The following SLC24A2 variants were observed in gnomAD, a reference collection of about 807,000 sequenced individuals.
The protein encoded by SLC24A2 is solute carrier family 24 member 2.
A neutral mutation model predicts 62.0 loss-of-function variants in SLC24A2; 36 were observed. That is an observed-to-expected ratio of 0.58 (90% confidence interval 0.44 to 0.77). SLC24A2 has a LOEUF of 0.77. Ranked by LOEUF, SLC24A2 falls within the 30% of genes least tolerant of loss-of-function variation. The probability of loss-of-function intolerance (pLI) is 0.00; values close to 1 mark genes in which losing one functional copy is unlikely to be tolerated. For synonymous variants in SLC24A2, 358 were observed against 294.0 expected (o/e 1.22, Z -2.23); for missense variants, 846 against 817.9 (o/e 1.03, Z -0.42).
chr9:19,885,517 G>C, the SLC24A2 span, among the ~76,000 whole-genome samples: 1 of 152,174 alleles, frequency 6.6e-6, no homozygotes, highest in Non-Finnish European at 1.5e-5. Flanking sequence ...CCATTTTATA[G>C]ATGAGGAAAC....
At chr9:19,722,904 C>T (rs77047067) in intron 2 of SLC24A2, among the ~76,000 whole-genome samples, 3,189 of 152,158 alleles carry the variant, frequency 0.021, 123 homozygotes, top group African/African-American at 0.073. Context: ...TATGGAAAGA[C>T]AGATTTTGAC....
At chr9:19,595,975 G>T (rs906583224) in intron 5 of SLC24A2, among the ~76,000 whole-genome samples, 4 of 152,150 alleles carry the variant, frequency 2.6e-5, no homozygotes, top group South Asian at 2.1e-4. Flanking sequence ...ACCTCTTGCT[G>T]CCCATGGGTC....
At chr9:19,818,780 A>G in the SLC24A2 span, among the ~76,000 whole-genome samples, 1 of 152,166 alleles carries the variant, frequency 6.6e-6, no homozygotes, top group Non-Finnish European at 1.5e-5. Flanking sequence ...GCCAAAAACA[A>G]TCTACAAATT....
At chr9:19,996,983 G>C in the SLC24A2 span, among the ~76,000 whole-genome samples, 1 of 152,000 alleles carries the variant, frequency 6.6e-6, no homozygotes, top group African/African-American at 2.4e-5. Context: ...CAAGACAAAA[G>C]AGAGGGAGAC....
the SLC24A2 span, among the ~76,000 whole-genome samples, chr9:20,224,348 C>T: frequency 1.3e-5 from 2 of 151,764 alleles, no homozygotes; most frequent in Non-Finnish European, 2.9e-5. Flanking sequence ...CGATGAGTTG[C>T]CCAATTTGAA....
the SLC24A2 span, among the ~76,000 whole-genome samples, chr9:19,977,808 G>T: frequency 1.3e-5 from 2 of 152,180 alleles, no homozygotes; most frequent in Non-Finnish European, 2.9e-5. Context: ...GAATAAAAAG[G>T]TCAGAGAAGG....
At chr9:19,703,375 A>G (rs553738425) in intron 2 of SLC24A2, among the ~76,000 whole-genome samples, 1 of 152,272 alleles carries the variant, frequency 6.6e-6, no homozygotes, top group African/African-American at 2.4e-5. Flanking sequence ...TTGCACTCAA[A>G]CCTTCTTGGA....
chr9:19,974,906 G>A, the SLC24A2 span, among the ~76,000 whole-genome samples: 2 of 152,276 alleles, frequency 1.3e-5, no homozygotes, highest in Non-Finnish European at 2.9e-5. Flanking sequence ...GTTACAAGAT[G>A]GATGCCATGG....
chr9:19,886,640 G>A, the SLC24A2 span, among the ~76,000 whole-genome samples: 1 of 152,226 alleles, frequency 6.6e-6, no homozygotes, highest in Non-Finnish European at 1.5e-5. Flanking sequence ...GGAAGACAGT[G>A]TGGTGATTCC....
At chr9:20,211,157 G>C in the SLC24A2 span, among the ~76,000 whole-genome samples, 12 of 151,704 alleles carry the variant, frequency 7.9e-5, no homozygotes, top group African/African-American at 2.4e-4. Context: ...TATCCTGATT[G>C]GTGTTAGCAC....
intron 2 of SLC24A2, among the ~76,000 whole-genome samples, chr9:19,750,556 CA>C (rs1380803954): frequency 1.3e-5 from 2 of 152,106 alleles, no homozygotes; most frequent in Admixed American, 6.5e-5. Context: ...TCAACAACAG[CA>C]AAAGGGTCTG....
At position 19,642,671 on chromosome 9, in the gene SLC24A2, C is replaced by CTTTTTTTTTTTTTTTTTTTTTTTT. The variant is rs71335440; in HGVS notation, c.931-20396_931-20373dup. Reference sequence around the variant, plus strand: ...AGAATGGTTTATATGAGAGCGTATTCTTTTTTTTTTTTTTTTTTTTTTTTT... The same window carrying CTTTTTTTTTTTTTTTTTTTTTTTT: ...AGAATGGTTTATATGAGAGCGTATTCTTTTTTTTTTTTTTTTTTTTTTTTTTTTTTTTTTTTTTTTTTTTTTTTT... On this transcript the variant is annotated intron_variant, in intron 2 of 10. Coordinates refer to ENST00000341998, the MANE Select transcript of SLC24A2 (RefSeq NM_020344.4). 3.8e-5 allele frequency among the ~76,000 whole-genome samples: 3 copies of CTTTTTTTTTTTTTTTTTTTTTTTT among 79,848 alleles called. 1 individual carries two copies. Among genetic ancestry groups the CTTTTTTTTTTTTTTTTTTTTTTTT allele is most frequent in the African/African-American group, 9.5e-5 (2 of 21,040 alleles). 52.4% of individuals were successfully genotyped at this position (79,848 alleles called of 152,430 possible). A position where few individuals can be genotyped will look rare whatever the true frequency, so the allele number is the denominator to read the frequency against.
chr9:20,028,794 A>G, the SLC24A2 span, among the ~76,000 whole-genome samples: 1 of 152,182 alleles, frequency 6.6e-6, no homozygotes, highest in Non-Finnish European at 1.5e-5. Flanking sequence ...ATCTTTTACC[A>G]CATGTTGTCA....
chr9:20,142,583 AATTTTT>A, the SLC24A2 span, among the ~76,000 whole-genome samples: 3 of 151,794 alleles, frequency 2.0e-5, no homozygotes, highest in Non-Finnish European at 4.4e-5. Flanking sequence ...TGTCTTTTTT[AATTTTT>A]ATTTTTATTT....
chr9:19,749,679 T>C (rs2118802969), intron 2 of SLC24A2, among the ~76,000 whole-genome samples: 1 of 152,308 alleles, frequency 6.6e-6, no homozygotes, highest in Non-Finnish European at 1.5e-5. Context: ...TTTTAGTATG[T>C]CCCAAATATT....
chr9:19,866,003 GA>G, the SLC24A2 span, among the ~76,000 whole-genome samples: 3 of 152,066 alleles, frequency 2.0e-5, no homozygotes, highest in African/African-American at 2.4e-5. Flanking sequence ...CTATTGGGGG[GA>G]AAAATCTAAT....
the SLC24A2 span, among the ~76,000 whole-genome samples, chr9:19,797,504 G>A: frequency 6.6e-6 from 1 of 152,200 alleles, no homozygotes; most frequent in Non-Finnish European, 1.5e-5. Context: ...GACCTGCCAA[G>A]TAGAGGTCTT....
intron 8 of SLC24A2, among the ~76,000 whole-genome samples, chr9:19,538,123 T>C (rs1419720598): frequency 2.4e-5 from 1 of 42,100 alleles, no homozygotes; most frequent in Non-Finnish European, 4.2e-5. Flanking sequence ...TGGGGTTTTC[T>C]AGATAAACAA....
the SLC24A2 span, among the ~76,000 whole-genome samples, chr9:20,012,881 C>A: frequency 1.3e-5 from 2 of 151,506 alleles, no homozygotes; most frequent in South Asian, 4.2e-4. Flanking sequence ...ACTATAATCA[C>A]TGATGACAGA....
Sources: gnomAD v4.1 joint callset for allele counts (sites outside exome capture counted in the v4.1 genomes callset) on GRCh38, gnomAD v4.1.1 for gene constraint, MANE v1.5 for transcripts, NCBI Gene and HGNC (gene_info 2026-07-23, HGNC 2026-07-21) for gene names.